The following EYS variants were observed in gnomAD, a reference collection of about 807,000 sequenced individuals.
EYS encodes protein eyes shut homolog.
EYS carries 250 observed loss-of-function variants against 282.1 expected under a neutral mutation model. The observed-to-expected ratio is 0.89, with a 90% confidence interval of 0.80 to 0.98. The LOEUF is 0.98. Among genes scored for constraint, EYS ranks in the 50% least tolerant of loss-of-function variants. The probability of loss-of-function intolerance (pLI) is 0.00; values close to 1 mark genes in which losing one functional copy is unlikely to be tolerated. For missense variants in EYS, 4,016 were observed against 3,709.0 expected (o/e 1.08, Z -2.15); for synonymous variants, 1,355 against 1,282.9 (o/e 1.06, Z -1.20).
At chr6:65,265,166 G>C (rs1408441425) in intron 12 of EYS, among the ~76,000 whole-genome samples, 2 of 151,964 alleles carry the variant, frequency 1.3e-5, no homozygotes, top group African/African-American at 2.4e-5. Flanking sequence ...TGGGTAATGA[G>C]ATCTTTTGTA....
At chr6:63,996,166 CA>C (rs1481889915) in intron 34 of EYS, among the ~76,000 whole-genome samples, 2 of 151,914 alleles carry the variant, frequency 1.3e-5, no homozygotes, top group African/African-American at 4.8e-5. Flanking sequence ...AGAAATCTTT[CA>C]TATGGTACAA....
intron 22 of EYS, among the ~76,000 whole-genome samples, chr6:64,658,121 A>T (rs1768826589): frequency 6.6e-6 from 1 of 152,108 alleles, no homozygotes; most frequent in African/African-American, 2.4e-5. Flanking sequence ...TCCATCACTG[A>T]TACCCTTTCT....
chr6:63,726,614 T>A lies in EYS; in HGVS notation c.8138A>T (p.His2713Leu). 1 of 1,551,168 alleles carries A rather than the reference T, an allele frequency of 6.4e-7. No individual in the cohort carries two copies. Among genetic ancestry groups the A allele is most frequent in the Non-Finnish European group, 8.7e-7 (1 of 1,146,716 alleles). ...TTGAATATGTGTCTTTTTTCGAACA[T>A]GAAAGGAAGCAAAAGACATCCAGGA... ...ELSWMSFASF[H>L]VRKKTHIQLQ... Residue 2713 changes from histidine to leucine, a missense_variant, in exon 42 of 43, where the codon CAT becomes CTT. His to Leu is a moderately conservative substitution (Grantham distance 99). Coordinates refer to ENST00000503581, the MANE Select transcript of EYS (RefSeq NM_001142800.2).
At chr6:63,950,692 G>T (rs1765556716) in intron 35 of EYS, among the ~76,000 whole-genome samples, 1 of 152,046 alleles carries the variant, frequency 6.6e-6, no homozygotes, top group Non-Finnish European at 1.5e-5. Flanking sequence ...ACGACCTCTG[G>T]TCCTCAGACC....
intron 1 of EYS, among the ~76,000 whole-genome samples, chr6:65,691,675 G>T (rs1769249173): frequency 6.7e-6 from 1 of 150,208 alleles, no homozygotes; most frequent in Admixed American, 6.7e-5. Context: ...TGTCCTGAAT[G>T]GTATTGCCTA....
intron 12 of EYS, among the ~76,000 whole-genome samples, chr6:65,068,909 A>T (rs763334898): frequency 6.6e-6 from 1 of 151,948 alleles, no homozygotes; most frequent in Admixed American, 6.6e-5. Flanking sequence ...ATACTTTTAA[A>T]TTTCTCTGCA....
At chr6:63,725,339 C>T (rs1582144696) in intron 42 of EYS, among the ~76,000 whole-genome samples, 2 of 151,648 alleles carry the variant, frequency 1.3e-5, no homozygotes, top group African/African-American at 2.4e-5. Flanking sequence ...AAATATGTAT[C>T]GTTGTACTGA....
At chr6:63,855,379 G>A (rs761054164) in intron 36 of EYS, among the ~76,000 whole-genome samples, 12 of 152,078 alleles carry the variant, frequency 7.9e-5, no homozygotes, top group Non-Finnish European at 1.6e-4. Flanking sequence ...GTATCTTATC[G>A]CACTAGTGTA....
intron 33 of EYS, among the ~76,000 whole-genome samples, chr6:64,023,869 G>C (rs6902200): frequency 1.3e-5 from 2 of 152,176 alleles, no homozygotes; most frequent in East Asian, 3.9e-4. Context: ...CCCCGCACTC[G>C]TAGTGGCCGG....
chr6:65,128,114 T>C (rs1775771590), intron 12 of EYS, among the ~76,000 whole-genome samples: 1 of 152,066 alleles, frequency 6.6e-6, no homozygotes, highest in Admixed American at 6.6e-5. Context: ...ATATTTATCT[T>C]ACCCAAATCA....
chr6:64,109,535 A>C (rs1773139000), intron 31 of EYS, among the ~76,000 whole-genome samples: 1 of 152,178 alleles, frequency 6.6e-6, no homozygotes, highest in Admixed American at 6.6e-5. Context: ...CACTGGAAAT[A>C]ATCACAAACT....
chr6:65,638,938 AG>A (rs1767185736), intron 2 of EYS, among the ~76,000 whole-genome samples: 1 of 152,212 alleles, frequency 6.6e-6, no homozygotes, highest in South Asian at 2.1e-4. Context: ...AGTGTTGCCA[AG>A]ATTTTAATTT....
chr6:65,063,736 T>G (rs944731106), intron 12 of EYS, among the ~76,000 whole-genome samples: 8 of 152,020 alleles, frequency 5.3e-5, no homozygotes, highest in African/African-American at 1.7e-4. Flanking sequence ...GTTATTCAAA[T>G]TTTTTTCTTC....
chr6:64,549,389 G>C (rs1373231921), intron 26 of EYS, among the ~76,000 whole-genome samples: 1 of 152,142 alleles, frequency 6.6e-6, no homozygotes, highest in Non-Finnish European at 1.5e-5. Context: ...CAATTTTTTA[G>C]TTGATTTTTG....
rs142678911 is a variant in EYS at position 64,812,545 on chromosome 6, T to G, written c.3443+833A>C. Among the ~76,000 whole-genome samples, 232 of 152,076 alleles carry G rather than the reference T, an allele frequency of 1.5e-3. No homozygotes were observed. The Middle Eastern group carries it at 0.017, about 11-fold the overall frequency. On this transcript the variant is annotated intron_variant, in intron 22 of 42. Transcript: ENST00000503581. ...AAAATACGGAAGTGACAGTATTGTATAGAAGGCAGAATATATTAGTGTCTT... is the reference window on the plus strand; with the variant it reads ...AAAATACGGAAGTGACAGTATTGTAGAGAAGGCAGAATATATTAGTGTCTT...
chr6:64,094,645 A>G (rs1028180586), intron 31 of EYS, among the ~76,000 whole-genome samples: 2 of 150,910 alleles, frequency 1.3e-5, no homozygotes, highest in Non-Finnish European at 3.0e-5. Flanking sequence ...ATTCTTCTCT[A>G]TTTTCTTCTG....
chr6:65,697,430 A>G (rs1249173932), intron 1 of EYS, among the ~76,000 whole-genome samples: 1 of 152,026 alleles, frequency 6.6e-6, no homozygotes, highest in Non-Finnish European at 1.5e-5. Context: ...CTTGCATTCT[A>G]TTTGTGCAGG....
intron 33 of EYS, among the ~76,000 whole-genome samples, chr6:64,065,582 C>A (rs1176482771): frequency 1.3e-5 from 2 of 152,170 alleles, no homozygotes; most frequent in Non-Finnish European, 2.9e-5. Context: ...GTTTAACATT[C>A]TGTTGGTTTT....
intron 22 of EYS, among the ~76,000 whole-genome samples, chr6:64,780,814 T>C (rs889548404): frequency 1.3e-5 from 2 of 152,160 alleles, no homozygotes; most frequent in Admixed American, 6.5e-5. Context: ...AATTATTCTA[T>C]AGAGGAATTC....
Sources: allele counts gnomAD v4.1 joint callset (sites outside exome capture counted in the v4.1 genomes callset), GRCh38; gene constraint gnomAD v4.1.1; transcripts MANE v1.5; gene names NCBI Gene and HGNC (gene_info 2026-07-23, HGNC 2026-07-21).